The following DDHD1 variants were observed in gnomAD, a reference collection of about 807,000 sequenced individuals.
The protein encoded by DDHD1 is DDHD domain containing 1.
Under a neutral mutation model 96.4 loss-of-function variants are expected in DDHD1, and 49 were observed. That is an observed-to-expected ratio of 0.51 (90% confidence interval 0.40 to 0.64). The LOEUF is 0.64. Ranked by LOEUF, DDHD1 falls within the 30% of genes least tolerant of loss-of-function variation. The pLI is 0.00. For missense variants in DDHD1, 1,106 were observed against 1,161.2 expected, an observed-to-expected ratio of 0.95 and a Z score of 0.69; for synonymous variants, 442 against 446.5, an observed-to-expected ratio of 0.99 and a Z score of 0.13.
chr14:53,144,368 T>C (rs1304536868), intron 1 of DDHD1, among the ~76,000 whole-genome samples: 2 of 152,252 alleles, frequency 1.3e-5, no homozygotes, highest in South Asian at 2.1e-4. Context: ...TTGTCTCATA[T>C]GGTGTTAGCC....
chr14:53,131,141 T>C (rs1889835472), intron 1 of DDHD1, among the ~76,000 whole-genome samples: 1 of 152,164 alleles, frequency 6.6e-6, no homozygotes, highest in Non-Finnish European at 1.5e-5. Flanking sequence ...ACCTGCCCAG[T>C]TCCCTTATTA....
intron 2 of DDHD1, among the ~76,000 whole-genome samples, chr14:53,099,356 T>C (rs1887126842): frequency 6.6e-6 from 1 of 152,232 alleles, no homozygotes; most frequent in Non-Finnish European, 1.5e-5. Flanking sequence ...TATCTTTTTC[T>C]GTTCTACGAT....
chr14:53,128,191 C>A (rs1019266173), intron 1 of DDHD1, among the ~76,000 whole-genome samples: 1 of 152,220 alleles, frequency 6.6e-6, no homozygotes, highest in African/African-American at 2.4e-5. Context: ...GTCAATTAAA[C>A]CCCTTTCCTT....
chr14:53,043,152 G>GAAT lies in DDHD1; in HGVS notation c.*3613_*3615dup, dbSNP rs1039763555. On this transcript the variant is annotated 3_prime_UTR_variant, in exon 13 of 13. Transcript: ENST00000673822. ...CTACTGTCTAGGTGATGCAAAGCTG[G>GAAT]AATATGGTGTGTTAAATTTTCTGCA... 2 of 152,158 alleles carry GAAT rather than the reference G, an allele frequency of 1.3e-5. No homozygotes were observed. The highest frequency in any genetic ancestry group is 2.9e-5 in the Non-Finnish European group (2 of 68,036). 9.4% of individuals were successfully genotyped at this position (152,158 alleles called of 1,614,324 possible). A position where few individuals can be genotyped will look rare whatever the true frequency, so the allele number is the denominator to read the frequency against.
At chr14:53,095,792 T>C (rs929189495) in intron 2 of DDHD1, among the ~76,000 whole-genome samples, 2 of 152,310 alleles carry the variant, frequency 1.3e-5, no homozygotes, top group South Asian at 2.1e-4. Flanking sequence ...TTTGTTAAAA[T>C]AGTTGTGAGC....
intron 1 of DDHD1, among the ~76,000 whole-genome samples, chr14:53,123,120 T>C (rs1044581195): frequency 3.2e-5 from 1 of 31,454 alleles, no homozygotes; most frequent in Non-Finnish European, 7.6e-5. Context: ...TTGCTGTTAT[T>C]ATTATTATTA....
rs1390078561 is a variant in DDHD1, at chr14:53,068,154, G to T, written c.1503+4443C>A. 2.6e-5 allele frequency among the ~76,000 whole-genome samples: 4 copies of T among 150,990 alleles called. No homozygotes were observed. The East Asian group carries it at 7.8e-4, about 29-fold the overall frequency. On this transcript the variant is annotated intron_variant, in intron 6 of 12. Transcript: ENST00000673822. ...TTTCCCCTATCCAGTACAGGATCCAGTTCAGGATGAGATACGGTATTTAGC... is the reference window on the plus strand; with the variant it reads ...TTTCCCCTATCCAGTACAGGATCCATTTCAGGATGAGATACGGTATTTAGC...
chr14:53,125,252 G>A (rs563692107), intron 1 of DDHD1, among the ~76,000 whole-genome samples: 2 of 152,130 alleles, frequency 1.3e-5, no homozygotes, highest in African/African-American at 2.4e-5. Flanking sequence ...TTGGAGAAGA[G>A]ACTTTAAATC....
rs189593357 is a variant in DDHD1, at chr14:53,142,671, C to T, written c.838+9590G>A. ...AGCAGATGCTCAAGAATTTAGAATGCTTTTATGGGAAAAAATTCCTCCTCT... is the reference window on the plus strand; with the variant it reads ...AGCAGATGCTCAAGAATTTAGAATGTTTTTATGGGAAAAAATTCCTCCTCT... On this transcript the variant is annotated intron_variant, in intron 1 of 12. Coordinates refer to ENST00000673822, the MANE Select transcript of DDHD1 (RefSeq NM_001160148.2). Among the ~76,000 whole-genome samples the T allele has an allele frequency of 2.0e-5, 3 of 152,308 alleles. No homozygotes were observed. In the East Asian group the frequency reaches 5.8e-4, roughly 29 times the overall value.
Position 53,062,960 on chromosome 14 carries a change from G to C in DDHD1, c.1749C>G (p.Leu583=). The C allele has an allele frequency of 5.0e-6, 8 of 1,584,414 alleles. No homozygotes were observed. Among genetic ancestry groups the C allele is most frequent in the Non-Finnish European group, 6.9e-6 (8 of 1,156,426 alleles). Residue 583 remains leucine (L), a synonymous_variant, in exon 7 of 13, where the codon CTC becomes CTG. Transcript: ENST00000673822. The stretch of plus-strand genomic sequence containing the variant: ...TATTTTACCGTCGTTTAGTTATATA[G>C]AGTTCATCAAGAAGATGTCGTTCTT... ...SYEERHLLDE[L]YITKRRLKEI...
Position 53,045,948 on chromosome 14 carries a change from A to G in DDHD1, c.*820T>C, listed in dbSNP as rs1881976389. ...ACCCATTATGGAGTACTCCGTGTCA[A>G]GTTTAGAGAAACTTTAGCTTTCTCT... On this transcript the variant is annotated 3_prime_UTR_variant, in exon 13 of 13. Coordinates refer to ENST00000673822, the MANE Select transcript of DDHD1 (RefSeq NM_001160148.2). 6.6e-6 allele frequency: 1 copy of G among 152,228 alleles called. No individual in the cohort carries two copies. Among genetic ancestry groups the G allele is most frequent in the African/African-American group, 2.4e-5 (1 of 41,456 alleles). 9.4% of individuals were successfully genotyped at this position (152,228 alleles called of 1,614,324 possible).
At chr14:53,141,692 AT>A (rs1309592685) in intron 1 of DDHD1, among the ~76,000 whole-genome samples, 1 of 152,194 alleles carries the variant, frequency 6.6e-6, no homozygotes, top group African/African-American at 2.4e-5. Flanking sequence ...AAAGTTCTAC[AT>A]TTTCTTCAAA....
In DDHD1 at chr14:53,115,239, A is replaced by C. The variant is rs994671938; in HGVS notation, c.839-11383T>G. Among the ~76,000 whole-genome samples, 3 of 152,212 alleles carry C rather than the reference A, an allele frequency of 2.0e-5. No individual in the cohort carries two copies. In the South Asian group the frequency reaches 6.2e-4, roughly 32 times the overall value. On this transcript the variant is annotated intron_variant, in intron 1 of 12. Coordinates refer to ENST00000673822, the MANE Select transcript of DDHD1 (RefSeq NM_001160148.2). Reference sequence around the variant, plus strand: ...ATATGGCACTATGTGAGAAGACGAAACCTAAGTTTAACTGGTATACCTGAA... The same window carrying C: ...ATATGGCACTATGTGAGAAGACGAACCCTAAGTTTAACTGGTATACCTGAA...
chr14:53,103,275 A>C, intron 2 of DDHD1: 1 of 398,688 alleles, frequency 2.5e-6, no homozygotes, highest in Non-Finnish European at 4.4e-6. Flanking sequence ...AGATACACAA[A>C]GATAATTAAA....
At position 53,103,920 on chromosome 14, in the gene DDHD1, G is replaced by C. The variant is rs997858744; in HGVS notation, c.839-64C>G. 85 of 1,433,540 alleles carry C rather than the reference G, an allele frequency of 5.9e-5. No homozygotes were observed. The African/African-American group carries it at 8.1e-4, about 14-fold the overall frequency. The allele number at this position is 1,433,540 out of a possible 1,614,324, so 88.8% of individuals were successfully genotyped here. A position where few individuals can be genotyped will look rare whatever the true frequency, so the allele number is the denominator to read the frequency against. ...ATTCAACTTCCCCAAAAGAGACACA[G>C]TATCTACAATCTTATATTTTGCTAC... On this transcript the variant is annotated intron_variant, in intron 1 of 12. Transcript: ENST00000673822.
At chr14:53,093,268 G>A (rs762903129) in intron 3 of DDHD1, 48 bp downstream of exon 3, 1 of 1,566,072 alleles carries the variant, frequency 6.4e-7, no homozygotes, top group Non-Finnish European at 8.6e-7. Context: ...ATGAGAGAAA[G>A]TCAGATTCCC....
At chr14:53,140,160 A>G (rs901239036) in intron 1 of DDHD1, among the ~76,000 whole-genome samples, 13 of 152,200 alleles carry the variant, frequency 8.5e-5, no homozygotes, top group Non-Finnish European at 1.6e-4. Context: ...AGAGTGGGGG[A>G]AAAATTAAAC....
intron 4 of DDHD1, among the ~76,000 whole-genome samples, chr14:53,090,902 T>C (rs1353184321): frequency 6.6e-6 from 1 of 152,158 alleles, no homozygotes; most frequent in African/African-American, 2.4e-5. Flanking sequence ...GTATTTTAAC[T>C]TTAATCCGTT....
chr14:53,060,712 T>C (rs1309194727), intron 8 of DDHD1, among the ~76,000 whole-genome samples: 2 of 152,232 alleles, frequency 1.3e-5, no homozygotes, highest in East Asian at 3.8e-4. Context: ...TCTTGAGGTA[T>C]ATGAAGTTAC....
Sources: allele counts gnomAD v4.1 joint callset (sites outside exome capture counted in the v4.1 genomes callset), GRCh38; gene constraint gnomAD v4.1.1; transcripts MANE v1.5; gene names NCBI Gene and HGNC (gene_info 2026-07-23, HGNC 2026-07-21).